Variants in FRAS1 observed in about 807,000 individuals in gnomAD.
The protein encoded by FRAS1 is extracellular matrix organizing protein FRAS1.
Under a neutral mutation model 435.2 loss-of-function variants are expected in FRAS1, and 290 were observed. That is an observed-to-expected ratio of 0.67 (90% CI 0.61 to 0.73). The LOEUF (loss-of-function observed/expected upper bound fraction) is 0.73, where lower values mean the gene tolerates loss of function less well. Among genes scored for constraint, FRAS1 ranks in the 30% least tolerant of loss-of-function variants. The pLI, the probability that FRAS1 is intolerant of heterozygous loss-of-function variation, is 0.00. For missense variants in FRAS1, 4,860 were observed against 5,001.5 expected, an observed-to-expected ratio of 0.97 and a Z score of 0.85; for synonymous variants, 1,800 against 1,851.0, an observed-to-expected ratio of 0.97 and a Z score of 0.71.
At chr4:78,435,879 T>C (rs1256786921) in intron 38 of FRAS1, among the ~76,000 whole-genome samples, 16 of 152,164 alleles carry the variant, frequency 1.1e-4, no homozygotes, top group Admixed American at 1.0e-3. Flanking sequence ...TATGCAGATA[T>C]TAACTACAGA....
intron 70 of FRAS1, among the ~76,000 whole-genome samples, chr4:78,532,589 C>T (rs1721750773): frequency 6.6e-6 from 1 of 152,130 alleles, no homozygotes; most frequent in African/African-American, 2.4e-5. Flanking sequence ...CAACTTTGCA[C>T]CTTTTGACTT....
intron 2 of FRAS1, among the ~76,000 whole-genome samples, chr4:78,214,485 A>T (rs1377830145): frequency 6.6e-6 from 1 of 152,222 alleles, no homozygotes; most frequent in East Asian, 1.9e-4. Flanking sequence ...GTCTTCCTTC[A>T]TCTGCCTTTC....
chr4:78,216,255 T>C (rs532743935), intron 2 of FRAS1, among the ~76,000 whole-genome samples: 3 of 152,372 alleles, frequency 2.0e-5, no homozygotes, highest in African/African-American at 7.2e-5. Context: ...CCTAGAATGC[T>C]TCTCTTGCAA....
intron 2 of FRAS1, among the ~76,000 whole-genome samples, chr4:78,224,659 T>C (rs376914189): frequency 6.6e-6 from 1 of 151,994 alleles, no homozygotes; most frequent in Non-Finnish European, 1.5e-5. Flanking sequence ...CAGCTTCCCA[T>C]GTAGCTGGGT....
At position 78,073,820 on chromosome 4, in the gene FRAS1, T is replaced by G. The variant is rs148917170; in HGVS notation, c.108+7804T>G. 3.6e-3 allele frequency among the ~76,000 whole-genome samples: 551 copies of G among 152,294 alleles called. 2 individuals carry two copies. The highest frequency in any genetic ancestry group is 0.013 in the African/African-American group (525 of 41,554). On this transcript the variant is annotated intron_variant, in intron 2 of 73. Transcript: ENST00000512123. ...CTGAAGAAAAGTTGACTTTGAAAAT[T>G]TTATGTGGATGACATTTTGTTTCTG...
chr4:78,460,233 C>A (rs570618286), intron 47 of FRAS1, among the ~76,000 whole-genome samples: 1 of 152,288 alleles, frequency 6.6e-6, no homozygotes, highest in South Asian at 2.1e-4. Context: ...ATTTCCACAC[C>A]ATTTCCCTGA....
intron 53 of FRAS1, 95 bp from the exon 54 acceptor site, chr4:78,475,343 T>C: frequency 7.2e-7 from 1 of 1,382,566 alleles, no homozygotes; most frequent in Non-Finnish European, 1.0e-6. Flanking sequence ...GACTACCTAA[T>C]GCCAAGAACC....
rs544307753 is a variant in FRAS1, at chr4:78,364,124, G to T, written c.2722+70G>T. The T allele has an allele frequency of 1.0e-4, 153 of 1,488,416 alleles. No homozygotes were observed. The African/African-American group carries it at 2.0e-3, about 20-fold the overall frequency. The allele number at this position is 1,488,416 out of a possible 1,614,324, so 92.2% of individuals were successfully genotyped here. On this transcript the variant is annotated intron_variant, in intron 22 of 73. Transcript: ENST00000512123. ...CCTTTCTGGAGCCATTGAAAGAAATGCGAGGTTCTTACTTCCATCTTCTCA... is the reference window on the plus strand; with the variant it reads ...CCTTTCTGGAGCCATTGAAAGAAATTCGAGGTTCTTACTTCCATCTTCTCA...
chr4:78,275,253 C>T (rs1242306548), intron 9 of FRAS1, among the ~76,000 whole-genome samples: 5 of 152,136 alleles, frequency 3.3e-5, no homozygotes, highest in African/African-American at 7.2e-5. Context: ...ACTGATTGGT[C>T]TTGACTCTTT....
At chr4:78,328,889 T>C (rs1421184994) in intron 18 of FRAS1, among the ~76,000 whole-genome samples, 1 of 152,194 alleles carries the variant, frequency 6.6e-6, no homozygotes, top group Non-Finnish European at 1.5e-5. Flanking sequence ...CTACTTTGCA[T>C]AGGAGGATCA....
At chr4:78,226,778 C>T (rs926264755) in intron 2 of FRAS1, among the ~76,000 whole-genome samples, 2 of 151,910 alleles carry the variant, frequency 1.3e-5, no homozygotes, top group African/African-American at 4.8e-5. Context: ...TTGTTTCCGC[C>T]CATTTCTGTC....
At chr4:78,182,603 C>A (rs1423724928) in intron 2 of FRAS1, among the ~76,000 whole-genome samples, 1 of 151,476 alleles carries the variant, frequency 6.6e-6, no homozygotes, top group African/African-American at 2.4e-5. Flanking sequence ...AGGGGCCAGG[C>A]GCAGTGGCTC....
chr4:78,151,298 C>T (rs1720651033), intron 2 of FRAS1, among the ~76,000 whole-genome samples: 1 of 152,088 alleles, frequency 6.6e-6, no homozygotes, highest in Admixed American at 6.6e-5. Context: ...GCTCCCATTT[C>T]CCCAAGTTGA....
At chr4:78,214,478 T>C (rs979316338) in intron 2 of FRAS1, among the ~76,000 whole-genome samples, 3 of 152,248 alleles carry the variant, frequency 2.0e-5, no homozygotes, top group African/African-American at 7.2e-5. Context: ...TTTGCCAGTC[T>C]TCCTTCATCT....
chr4:78,505,609 A>T (rs547741897), intron 61 of FRAS1, among the ~76,000 whole-genome samples: 1 of 152,130 alleles, frequency 6.6e-6, no homozygotes, highest in Admixed American at 6.5e-5. Context: ...GACACTGTTT[A>T]TTCTAGTTAG....
chr4:78,288,043 G>A (rs1727694864), intron 14 of FRAS1, among the ~76,000 whole-genome samples: 1 of 152,202 alleles, frequency 6.6e-6, no homozygotes, highest in African/African-American at 2.4e-5. Context: ...ATGAATGAAT[G>A]AGAATACTAC....
At chr4:78,382,010 T>A (rs1732041400) in intron 27 of FRAS1, among the ~76,000 whole-genome samples, 1 of 152,222 alleles carries the variant, frequency 6.6e-6, no homozygotes, top group African/African-American at 2.4e-5. Context: ...ACCTGCCACA[T>A]CAGTTTGTGT....
intron 29 of FRAS1, among the ~76,000 whole-genome samples, chr4:78,388,913 AT>A (rs1355216529): frequency 6.6e-6 from 1 of 152,160 alleles, no homozygotes; most frequent in African/African-American, 2.4e-5. Context: ...TTTACTTAAT[AT>A]TTTTCTTTGT....
chr4:78,223,826 C>T (rs1724156473), intron 2 of FRAS1, among the ~76,000 whole-genome samples: 1 of 151,996 alleles, frequency 6.6e-6, no homozygotes, highest in Admixed American at 6.6e-5. Context: ...CATAATATTT[C>T]TACTTTGAAC....
Sources: allele counts gnomAD v4.1 joint callset (sites outside exome capture counted in the v4.1 genomes callset), GRCh38; gene constraint gnomAD v4.1.1; transcripts MANE v1.5; gene names NCBI Gene and HGNC (gene_info 2026-07-23, HGNC 2026-07-21).